Variants in PPP1R1C observed in about 807,000 individuals in gnomAD.
The protein encoded by PPP1R1C is protein phosphatase 1 regulatory inhibitor subunit 1C.
PPP1R1C carries 15 observed loss-of-function variants against 17.4 expected under a neutral mutation model. The ratio of observed to expected loss-of-function variants is 0.86; its 90% CI spans 0.58 to 1.33. PPP1R1C has a LOEUF of 1.33. PPP1R1C is among the 40% of genes most tolerant of loss of function. PPP1R1C has a pLI of 0.00. For missense variants in PPP1R1C, 143 were observed against 130.0 expected, an observed-to-expected ratio of 1.10 and a Z score of -0.48; for synonymous variants, 35 against 43.1, an observed-to-expected ratio of 0.81 and a Z score of 0.73.
Position 182,040,182 on chromosome 2 carries a change from C to A in PPP1R1C, c.143-21260C>A, listed in dbSNP as rs552224712. Among the ~76,000 whole-genome samples, 179 of 152,238 alleles carry A rather than the reference C, an allele frequency of 1.2e-3. 1 individual carries two copies. Among genetic ancestry groups the A allele is most frequent in the African/African-American group, 4.1e-3 (172 of 41,558 alleles). On this transcript the variant is annotated intron_variant, in intron 2 of 4. Coordinates refer to ENST00000682840, the MANE Select transcript of PPP1R1C (RefSeq NM_001080545.3). Reference sequence around the variant, plus strand: ...GGGTAGATACCCAGTAGTGAGATTGCTAGATCAAATAGTAAATCTACTTTT... The same window carrying A: ...GGGTAGATACCCAGTAGTGAGATTGATAGATCAAATAGTAAATCTACTTTT...
At chr2:182,070,143 G>C (rs934467841) in intron 4 of PPP1R1C, among the ~76,000 whole-genome samples, 1 of 152,192 alleles carries the variant, frequency 6.6e-6, no homozygotes, top group South Asian at 2.1e-4. Context: ...GGACAGGAGG[G>C]TAAGGCCACT....
At chr2:182,131,193 A>G (rs1435353548), downstream of PPP1R1C, 5 of 136,954 alleles carry the variant, frequency 3.7e-5, no homozygotes, top group African/African-American at 1.6e-4. Flanking sequence ...TTTTTTTTCT[A>G]TTGAGCAGTG....
chr2:181,979,616 G>A (rs1043247708), intron 2 of PPP1R1C, among the ~76,000 whole-genome samples: 1 of 152,178 alleles, frequency 6.6e-6, no homozygotes, highest in East Asian at 1.9e-4. Flanking sequence ...GCTAGGCTCA[G>A]TTGGGGGTAT....
At chr2:181,974,721 G>A (rs538313137) in intron 1 of PPP1R1C, among the ~76,000 whole-genome samples, 2 of 152,320 alleles carry the variant, frequency 1.3e-5, no homozygotes, top group African/African-American at 2.4e-5. Flanking sequence ...GTCACTTGGG[G>A]TTGGAAGACA....
At chr2:181,990,049 A>G (rs1685413909) in intron 2 of PPP1R1C, among the ~76,000 whole-genome samples, 1 of 152,210 alleles carries the variant, frequency 6.6e-6, no homozygotes, top group Non-Finnish European at 1.5e-5. Flanking sequence ...AACAAACAGC[A>G]AAAAAAGAAC....
chr2:182,058,645 A>G (rs779287166), intron 2 of PPP1R1C, among the ~76,000 whole-genome samples: 27 of 152,138 alleles, frequency 1.8e-4, no homozygotes, highest in Non-Finnish European at 1.3e-4. Flanking sequence ...CCCATTTCAC[A>G]CATGAGGAAA....
At chr2:182,124,316 T>G (rs1175298054) in intron 5 of PPP1R1C, among the ~76,000 whole-genome samples, 2,154 of 76,046 alleles carry the variant, frequency 0.028, 38 homozygotes, top group African/African-American at 0.17. Flanking sequence ...TTTTTTTTGT[T>G]TTTTTTTTTT....
At chr2:181,992,040 C>G (rs985765072) in intron 2 of PPP1R1C, among the ~76,000 whole-genome samples, 7 of 152,020 alleles carry the variant, frequency 4.6e-5, no homozygotes, top group African/African-American at 1.7e-4. Context: ...ATTTGGCTAC[C>G]AGCGTTTGAA....
rs976929221 is a variant in PPP1R1C at position 182,063,964 on chromosome 2, G to C, written c.241+173G>C. On this transcript the variant is annotated intron_variant, in intron 4 of 4. Coordinates refer to ENST00000682840, the MANE Select transcript of PPP1R1C (RefSeq NM_001080545.3). ...TCTACTTAAAACTTAGTTTCATCAA[G>C]AGTAAAATATGGGGTTGAAAAAGAA... 6.1e-6 allele frequency: 3 copies of C among 489,570 alleles called. No individual in the cohort carries two copies. The Admixed American group carries it at 1.1e-4, about 17-fold the overall frequency. The allele number at this position is 489,570 out of a possible 1,614,324, so 30.3% of individuals were successfully genotyped here. A position where few individuals can be genotyped will look rare whatever the true frequency, so the allele number is the denominator to read the frequency against.
chr2:182,033,796 A>T (rs994026573), intron 2 of PPP1R1C, among the ~76,000 whole-genome samples: 2 of 152,138 alleles, frequency 1.3e-5, no homozygotes, highest in African/African-American at 2.4e-5. Flanking sequence ...CATTTGTGTG[A>T]TATTAAAGGC....
At chr2:182,087,905 T>C (rs763709778) in intron 4 of PPP1R1C, among the ~76,000 whole-genome samples, 3 of 152,184 alleles carry the variant, frequency 2.0e-5, no homozygotes, top group Non-Finnish European at 4.4e-5. Context: ...GTTAATGAGC[T>C]CTCACAGGGC....
At chr2:182,064,765 C>T (rs564883491) in intron 4 of PPP1R1C, among the ~76,000 whole-genome samples, 11 of 151,018 alleles carry the variant, frequency 7.3e-5, no homozygotes, top group African/African-American at 2.7e-4. Context: ...TAGTTTATTC[C>T]AGGGTAATTA....
At chr2:182,037,637 T>C (rs1397970662) in intron 2 of PPP1R1C, among the ~76,000 whole-genome samples, 2 of 151,476 alleles carry the variant, frequency 1.3e-5, no homozygotes, top group Admixed American at 1.3e-4. Flanking sequence ...GCAATTATAA[T>C]CAACAAGCTA....
At chr2:182,107,503 C>T (rs562795609) in intron 4 of PPP1R1C, among the ~76,000 whole-genome samples, 23 of 152,194 alleles carry the variant, frequency 1.5e-4, no homozygotes, top group South Asian at 1.2e-3. Flanking sequence ...ATTGTAGAGA[C>T]GGAACGAAAA....
chr2:182,024,009 T>A, intron 2 of PPP1R1C: 1 of 152,060 alleles, frequency 6.6e-6, no homozygotes, highest in East Asian at 1.9e-4. Context: ...AGCGCTAAAT[T>A]ACAGAATATG....
chr2:182,007,878 C>T (rs551133644), intron 2 of PPP1R1C, among the ~76,000 whole-genome samples: 6 of 152,054 alleles, frequency 3.9e-5, no homozygotes, highest in Non-Finnish European at 7.4e-5. Context: ...CTGGCTAACA[C>T]GGTGAAACCC....
At chr2:182,072,183 A>C (rs1270497998) in intron 4 of PPP1R1C, among the ~76,000 whole-genome samples, 1 of 152,180 alleles carries the variant, frequency 6.6e-6, no homozygotes, top group Non-Finnish European at 1.5e-5. Context: ...TCAGGAAGTA[A>C]AAACAATTCC....
intron 2 of PPP1R1C, among the ~76,000 whole-genome samples, chr2:182,047,737 A>C (rs1687388640): frequency 6.6e-6 from 1 of 152,210 alleles, no homozygotes; most frequent in Admixed American, 6.5e-5. Context: ...GTTCATAAAA[A>C]TTGAGAATAC....
intron 4 of PPP1R1C, among the ~76,000 whole-genome samples, chr2:182,100,959 G>A (rs1193926679): frequency 6.6e-6 from 1 of 152,182 alleles, no homozygotes; most frequent in Non-Finnish European, 1.5e-5. Context: ...TGGTGGTCAT[G>A]AGAAGAGCGG....
Sources: allele counts gnomAD v4.1 joint callset (sites outside exome capture counted in the v4.1 genomes callset), GRCh38; gene constraint gnomAD v4.1.1; transcripts MANE v1.5; gene names NCBI Gene and HGNC (gene_info 2026-07-23, HGNC 2026-07-21).